The following MGA variants were observed in gnomAD, a reference collection of about 807,000 sequenced individuals.
The protein encoded by MGA is MAX dimerization protein MGA.
In MGA, 40 loss-of-function variants were observed where a neutral mutation model predicts 261.1. The observed-to-expected ratio is 0.15, with a 90% CI of 0.12 to 0.20. The LOEUF (loss-of-function observed/expected upper bound fraction) is 0.20, where lower values mean the gene tolerates loss of function less well. MGA is among the 10% of genes least tolerant of loss of function. The probability of loss-of-function intolerance (pLI) is 1.00; values close to 1 mark genes in which losing one functional copy is unlikely to be tolerated. For missense variants in MGA, 3,397 were observed against 3,630.5 expected (o/e 0.94, Z 1.65); for synonymous variants, 1,302 against 1,290.6 (o/e 1.01, Z -0.19).
intron 18 of MGA, among the ~76,000 whole-genome samples, chr15:41,756,367 T>C (rs952324147): frequency 2.0e-5 from 3 of 152,190 alleles, no homozygotes; most frequent in African/African-American, 7.2e-5. Context: ...CCACAGTGAC[T>C]TTACCAATTC....
rs569122836 is a variant in MGA at position 41,637,343 on chromosome 15, T to C, written c.-68+16045T>C. Among the ~76,000 whole-genome samples the C allele has an allele frequency of 2.6e-4, 40 of 152,314 alleles. No homozygotes were observed. The South Asian group carries it at 3.7e-3, about 14-fold the overall frequency. ...AGATCAGAGGGAATGTTGGAAGTTA[T>C]TGATTGACTTAATTGTCTGGACTTT... On this transcript the variant is annotated intron_variant, in intron 1 of 8. Coordinates refer to the MGA transcript ENST00000566718.
chr15:41,635,856 C>T (rs2056692760), intron 1 of MGA, among the ~76,000 whole-genome samples: 1 of 152,104 alleles, frequency 6.6e-6, no homozygotes, highest in Non-Finnish European at 1.5e-5. Flanking sequence ...GCTGTTTTAA[C>T]GTTGTGGCAC....
intron 2 of MGA, among the ~76,000 whole-genome samples, chr15:41,672,766 G>A (rs2058132266): frequency 6.6e-6 from 1 of 152,088 alleles, no homozygotes; most frequent in African/African-American, 2.4e-5. Flanking sequence ...AGAGACCATA[G>A]ATGCTTGTAA....
intron 18 of MGA, among the ~76,000 whole-genome samples, chr15:41,756,438 A>G (rs879612855): frequency 2.0e-5 from 3 of 152,234 alleles, no homozygotes; most frequent in South Asian, 2.1e-4. Flanking sequence ...GTGTGGAGCA[A>G]TGGGAACTCG....
chr15:41,749,577 G>A lies in MGA; in HGVS notation c.5970G>A (p.Thr1990=), dbSNP rs1391387688. 11 of 1,613,818 alleles carry A rather than the reference G, an allele frequency of 6.8e-6. No homozygotes were observed. The Admixed American group carries it at 1.3e-4, about 20-fold the overall frequency. ...ACTCAATAAAAAGAGAGCAAGAAAC[G>A]AAGAAGGTTCTACAGTCAGAAGGAG... Residue 1990 remains threonine, a synonymous_variant, in exon 17 of 24, where the codon ACG becomes ACA. Transcript: ENST00000219905.
chr15:41,660,703 C>T (rs1177054173), intron 1 of MGA, among the ~76,000 whole-genome samples, 178 bp downstream of exon 1: 1 of 152,200 alleles, frequency 6.6e-6, no homozygotes, highest in Non-Finnish European at 1.5e-5. Context: ...CCTGTGGTCC[C>T]TGAGCGAGGC....
At chr15:41,643,513 T>C (rs2056869641) in intron 1 of MGA, among the ~76,000 whole-genome samples, 1 of 152,084 alleles carries the variant, frequency 6.6e-6, no homozygotes, top group African/African-American at 2.4e-5. Context: ...GTGCTGGGAT[T>C]ACAGGGGTGA....
intron 1 of MGA, among the ~76,000 whole-genome samples, chr15:41,654,442 G>C (rs1223187445): frequency 2.6e-5 from 4 of 152,126 alleles, no homozygotes; most frequent in Non-Finnish European, 5.9e-5. Flanking sequence ...TTCACCTTAT[G>C]ATGGTCCTCT....
At chr15:41,694,441 T>C (rs12915325) in intron 2 of MGA, among the ~76,000 whole-genome samples, 119,146 of 152,002 alleles carry the variant, frequency 0.78, 47,216 homozygotes, top group East Asian at 0.89. Context: ...ATTTTAGTTG[T>C]GTAAATGCTG....
intron 9 of MGA, chr15:41,718,301 GTATATA>G (rs57814590): frequency 2.8e-4 from 55 of 193,398 alleles, no homozygotes; most frequent in Non-Finnish European, 3.5e-4. Flanking sequence ...GTGTGTGTGT[GTATATA>G]TATATATATA....
chr15:41,633,166 G>C (rs754409368), intron 1 of MGA, among the ~76,000 whole-genome samples: 9 of 152,026 alleles, frequency 5.9e-5, no homozygotes, highest in Non-Finnish European at 1.2e-4. Context: ...AGCCAGGATG[G>C]TCTTGATCTC....
chr15:41,651,644 CT>C (rs2057049715), intron 1 of MGA, among the ~76,000 whole-genome samples: 1 of 130,858 alleles, frequency 7.6e-6, no homozygotes, highest in Non-Finnish European at 1.7e-5. Flanking sequence ...CTCCTCTCCC[CT>C]CTCCTCTCCC....
intron 9 of MGA, among the ~76,000 whole-genome samples, chr15:41,717,802 A>G (rs181460554): frequency 8.6e-4 from 131 of 152,312 alleles, no homozygotes; most frequent in African/African-American, 3.2e-3. Context: ...CTGTAGACTG[A>G]TAACCCTTAT....
intron 12 of MGA, 97 bp from the exon 13 acceptor site, chr15:41,736,084 T>G: frequency 2.6e-5 from 28 of 1,082,896 alleles, no homozygotes; most frequent in African/African-American, 3.2e-5. Flanking sequence ...TGAAAGAACG[T>G]GAGAATGTGA....
At chr15:41,741,699 A>G (rs980555737) in intron 14 of MGA, among the ~76,000 whole-genome samples, 1 of 152,058 alleles carries the variant, frequency 6.6e-6, no homozygotes. Flanking sequence ...TTTAGTAGGA[A>G]CACTCTATTT....
chr15:41,681,642 ATT>A (rs1383882509), intron 2 of MGA, among the ~76,000 whole-genome samples: 3 of 151,542 alleles, frequency 2.0e-5, no homozygotes, highest in African/African-American at 7.3e-5. Context: ...TAGAGATAGG[ATT>A]TCACCATGTT....
intron 1 of MGA, among the ~76,000 whole-genome samples, chr15:41,622,141 C>T (rs1485853843): frequency 6.6e-6 from 1 of 152,126 alleles, no homozygotes; most frequent in East Asian, 1.9e-4. Flanking sequence ...ACTCCTCCCA[C>T]ATCGAAGCGT....
At chr15:41,756,134 G>A (rs2063136846) in intron 18 of MGA, among the ~76,000 whole-genome samples, 1 of 151,938 alleles carries the variant, frequency 6.6e-6, no homozygotes, top group Admixed American at 6.6e-5. Flanking sequence ...ACAGTGAAAA[G>A]CCAAACTCAG....
At chr15:41,703,159 C>T (rs1278245224) in intron 5 of MGA, among the ~76,000 whole-genome samples, 1 of 152,074 alleles carries the variant, frequency 6.6e-6, no homozygotes, top group Non-Finnish European at 1.5e-5. Flanking sequence ...GTGATGTCTC[C>T]TTAGGATCTT....
Sources: allele counts gnomAD v4.1 joint callset (sites outside exome capture counted in the v4.1 genomes callset), GRCh38; gene constraint gnomAD v4.1.1; transcripts MANE v1.5; gene names NCBI Gene and HGNC (gene_info 2026-07-23, HGNC 2026-07-21).